The following SLC24A2 variants were observed in gnomAD, a reference collection of about 807,000 sequenced individuals.
The protein encoded by SLC24A2 is sodium/potassium/calcium exchanger 2.
In SLC24A2, 36 loss-of-function variants were observed where a neutral mutation model predicts 62.0. That is an observed-to-expected ratio of 0.58 (90% CI 0.44 to 0.77). The LOEUF is 0.77. Ranked by LOEUF, SLC24A2 falls within the 30% of genes least tolerant of loss-of-function variation. The probability of loss-of-function intolerance (pLI) is 0.00; values close to 1 mark genes in which losing one functional copy is unlikely to be tolerated. For synonymous variants in SLC24A2, 358 were observed against 294.0 expected (o/e 1.22, Z -2.23); for missense variants, 846 against 817.9 (o/e 1.03, Z -0.42).
At chr9:20,060,863 CA>C in the SLC24A2 span, among the ~76,000 whole-genome samples, 2 of 151,902 alleles carry the variant, frequency 1.3e-5, no homozygotes, top group Non-Finnish European at 2.9e-5. Flanking sequence ...GATCAATATG[CA>C]AAACTTAATT....
chr9:19,528,732 T>C (rs1210966686), intron 8 of SLC24A2, among the ~76,000 whole-genome samples: 3 of 152,058 alleles, frequency 2.0e-5, no homozygotes, highest in African/African-American at 7.2e-5. Context: ...TGATGGCCAT[T>C]CTCCAGGACA....
Position 19,786,971 on chromosome 9 carries a change from T to C in SLC24A2, c.-105A>G. 1 of 1,500,558 alleles carries C rather than the reference T, an allele frequency of 6.7e-7. No homozygotes were observed. The highest frequency in any genetic ancestry group is 8.8e-7 in the Non-Finnish European group (1 of 1,130,098). 93.0% of individuals were successfully genotyped at this position (1,500,558 alleles called of 1,614,324 possible). A position where few individuals can be genotyped will look rare whatever the true frequency, so the allele number is the denominator to read the frequency against. On this transcript the variant is annotated 5_prime_UTR_variant, in exon 2 of 11. Coordinates refer to ENST00000341998, the MANE Select transcript of SLC24A2 (RefSeq NM_020344.4). The surrounding 1 kb of genome is among the most constrained non-coding windows in gnomAD (Gnocchi z 5.0). Reference sequence around the variant, plus strand: ...TAGTTAACGATGCTTGTGGGGTACTTTCACAATCAGGGATTGTTATGCTTC... The same window carrying C: ...TAGTTAACGATGCTTGTGGGGTACTCTCACAATCAGGGATTGTTATGCTTC...
chr9:20,157,595 T>A, the SLC24A2 span, among the ~76,000 whole-genome samples: 1 of 151,576 alleles, frequency 6.6e-6, no homozygotes, highest in Non-Finnish European at 1.5e-5. Flanking sequence ...ATACTGGAGG[T>A]TGCAACCAGT....
At chr9:19,861,011 G>T in the SLC24A2 span, among the ~76,000 whole-genome samples, 4 of 152,180 alleles carry the variant, frequency 2.6e-5, no homozygotes, top group African/African-American at 9.7e-5. Context: ...AGAGGAACTT[G>T]ACGCCCTGAA....
At chr9:19,870,390 A>G in the SLC24A2 span, among the ~76,000 whole-genome samples, 4 of 152,212 alleles carry the variant, frequency 2.6e-5, no homozygotes, top group African/African-American at 9.6e-5. Context: ...TCTGTTGTAC[A>G]GATATACCAC....
the SLC24A2 span, among the ~76,000 whole-genome samples, chr9:20,129,574 C>T: frequency 0.16 from 23,681 of 151,972 alleles, 2,543 homozygotes; most frequent in East Asian, 0.47. Flanking sequence ...GGTATATCCA[C>T]ATAATTGAAT....
At position 19,786,999 on chromosome 9, in the gene SLC24A2, A is replaced by G; in HGVS notation, c.-133T>C. On this transcript the variant is annotated 5_prime_UTR_variant, in exon 2 of 11. Coordinates refer to ENST00000341998, the MANE Select transcript of SLC24A2 (RefSeq NM_020344.4). This position sits in a 1 kb window ranked among gnomAD's most constrained non-coding sequence, Gnocchi z 5.0. ...ACAATCAGGGATTGTTATGCTTCAC[A>G]GGAAACTTTCATCATTTATGCTTAA... 2 of 1,433,092 alleles carry G rather than the reference A, an allele frequency of 1.4e-6. No homozygotes were observed. The highest frequency in any genetic ancestry group is 1.8e-6 in the Non-Finnish European group (2 of 1,097,168). The allele number at this position is 1,433,092 out of a possible 1,614,324, so 88.8% of individuals were successfully genotyped here.
At chr9:19,567,689 C>CA (rs1491118019) in intron 7 of SLC24A2, among the ~76,000 whole-genome samples, 4 of 41,556 alleles carry the variant, frequency 9.6e-5, no homozygotes, top group South Asian at 1.6e-3. Context: ...TTTAAAATAA[C>CA]CAAAAAAAAA....
chr9:20,265,890 G>A, the SLC24A2 span, among the ~76,000 whole-genome samples: 23 of 152,156 alleles, frequency 1.5e-4, no homozygotes, highest in African/African-American at 3.9e-4. Flanking sequence ...GCCCCCTTGG[G>A]TGCGGCCATC....
chr9:19,910,597 G>A, the SLC24A2 span, among the ~76,000 whole-genome samples: 20 of 152,188 alleles, frequency 1.3e-4, no homozygotes, highest in East Asian at 2.7e-3. Context: ...TCTACTTGCA[G>A]GTCTCCACAT....
chr9:19,990,567 C>T, the SLC24A2 span, among the ~76,000 whole-genome samples: 1 of 145,956 alleles, frequency 6.9e-6, no homozygotes, highest in Non-Finnish European at 1.5e-5. Flanking sequence ...GAAGAGATCA[C>T]ACCACTGCAC....
chr9:19,999,601 T>G, the SLC24A2 span, among the ~76,000 whole-genome samples: 16 of 152,232 alleles, frequency 1.1e-4, no homozygotes, highest in African/African-American at 3.6e-4. Flanking sequence ...TTAAATCAAC[T>G]GGTGGTTGTA....
chr9:20,016,316 T>C, the SLC24A2 span, among the ~76,000 whole-genome samples: 1 of 152,208 alleles, frequency 6.6e-6, no homozygotes, highest in African/African-American at 2.4e-5. Context: ...GATTTATACA[T>C]ACAATACCAA....
At chr9:19,584,649 T>C (rs1169131404) in intron 5 of SLC24A2, among the ~76,000 whole-genome samples, 3 of 152,160 alleles carry the variant, frequency 2.0e-5, no homozygotes, top group Non-Finnish European at 4.4e-5. Context: ...TTATTGTAAG[T>C]TTTAGGGTAC....
chr9:20,173,360 G>A, the SLC24A2 span, among the ~76,000 whole-genome samples: 2 of 151,976 alleles, frequency 1.3e-5, no homozygotes, highest in Non-Finnish European at 2.9e-5. Flanking sequence ...GAAATCAAGG[G>A]CATCCAAATT....
In SLC24A2 at chr9:19,701,762, T is replaced by C. The variant is rs140034061; in HGVS notation, c.931-79463A>G. ...TAATCAAAACCGAGACAGGAGAATGTGCTGGTGAAAATTCCTCCACACTAT... is the reference window on the plus strand; with the variant it reads ...TAATCAAAACCGAGACAGGAGAATGCGCTGGTGAAAATTCCTCCACACTAT... On this transcript the variant is annotated intron_variant, in intron 2 of 10. Coordinates refer to ENST00000341998, the MANE Select transcript of SLC24A2 (RefSeq NM_020344.4). Among the ~76,000 whole-genome samples the C allele has an allele frequency of 4.9e-3, 741 of 152,258 alleles. 4 individuals are homozygous for C. Among genetic ancestry groups the C allele is most frequent in the African/African-American group, 0.017 (698 of 41,546 alleles).
chr9:20,101,307 C>A, the SLC24A2 span, among the ~76,000 whole-genome samples: 9 of 152,210 alleles, frequency 5.9e-5, no homozygotes, highest in African/African-American at 1.9e-4. Context: ...GAGAATTGGA[C>A]TTACTATTCA....
chr9:20,167,773 G>C, the SLC24A2 span, among the ~76,000 whole-genome samples: 1 of 151,972 alleles, frequency 6.6e-6, no homozygotes, highest in Non-Finnish European at 1.5e-5. Context: ...AGGCTGGAGT[G>C]CAGTGGCAAG....
At chr9:19,910,191 C>G in the SLC24A2 span, among the ~76,000 whole-genome samples, 2 of 152,092 alleles carry the variant, frequency 1.3e-5, no homozygotes, top group African/African-American at 2.4e-5. Context: ...CTCCTGTGAT[C>G]TCTTCTTAAA....
Sources: allele counts gnomAD v4.1 joint callset (sites outside exome capture counted in the v4.1 genomes callset), GRCh38; gene constraint gnomAD v4.1.1; non-coding constraint Gnocchi (gnomAD v3.1); transcripts MANE v1.5; gene names NCBI Gene and HGNC (gene_info 2026-07-23, HGNC 2026-07-21).